GDPD5: variants seen among roughly 807,000 people sequenced by gnomAD.
GDPD5 encodes the protein glycerophosphodiester phosphodiesterase 2.
Under a neutral mutation model 75.1 loss-of-function variants are expected in GDPD5, and 48 were observed. That is an observed-to-expected ratio of 0.64 (90% confidence interval 0.51 to 0.81). The LOEUF (loss-of-function observed/expected upper bound fraction) is 0.81, where lower values mean the gene tolerates loss of function less well. Among genes scored for constraint, GDPD5 ranks in the 40% least tolerant of loss-of-function variants. The probability of loss-of-function intolerance (pLI) is 0.00; values close to 1 mark genes in which losing one functional copy is unlikely to be tolerated. For synonymous variants in GDPD5, 336 were observed against 339.0 expected, an observed-to-expected ratio of 0.99 and a Z score of 0.10; for missense variants, 706 against 822.6, an observed-to-expected ratio of 0.86 and a Z score of 1.73.
rs764446965 is a variant in GDPD5, at chr11:75,457,688, T to C, written c.315+5A>G. ...CCACCTGCCCTCCAAAACAGCCCCA[T>C]GTACCAGGAGGCCAGCGATGTATGC... On this transcript the variant is annotated splice_donor_5th_base_variant and intron_variant, in intron 5 of 16. Transcript: ENST00000336898. 2 of 1,613,854 alleles carry C rather than the reference T, an allele frequency of 1.2e-6. No individual in the cohort carries two copies. The highest frequency in any genetic ancestry group is 8.5e-7 in the Non-Finnish European group (1 of 1,179,788).
intron 1 of GDPD5, among the ~76,000 whole-genome samples, chr11:75,523,095 T>G (rs138778506): frequency 2.2e-4 from 34 of 152,342 alleles, no homozygotes; most frequent in African/African-American, 7.9e-4. Flanking sequence ...TCAAGCTTCC[T>G]TTTCTTCATA....
chr11:75,441,569 T>TG (rs57622038), intron 13 of GDPD5, 77 bp downstream of exon 13: 5 of 1,189,898 alleles, frequency 4.2e-6, no homozygotes, highest in African/African-American at 3.1e-5. Context: ...TGTGTGTGTG[T>TG]TGGGGGGTGG....
chr11:75,521,674 G>A (rs1941461684), intron 1 of GDPD5, among the ~76,000 whole-genome samples: 1 of 152,206 alleles, frequency 6.6e-6, no homozygotes, highest in Non-Finnish European at 1.5e-5. Context: ...AAGATTCAGA[G>A]GGGGCATGAC....
chr11:75,480,368 T>C (rs55955041), intron 2 of GDPD5, among the ~76,000 whole-genome samples: 8,456 of 152,148 alleles, frequency 0.056, 341 homozygotes, highest in East Asian at 0.13. Context: ...ATGGTAACTT[T>C]TGTTTTTGAG....
chr11:75,468,806 T>C (rs1407549145), intron 3 of GDPD5, among the ~76,000 whole-genome samples: 2 of 151,538 alleles, frequency 1.3e-5, no homozygotes, highest in African/African-American at 4.9e-5. Context: ...GACCACAGAG[T>C]GGAGAATACA....
At chr11:75,457,980 A>T (rs375374360) in intron 4 of GDPD5, among the ~76,000 whole-genome samples, 194 bp from the exon 5 acceptor site, 1 of 152,340 alleles carries the variant, frequency 6.6e-6, no homozygotes, top group African/African-American at 2.4e-5. Context: ...GGGACCAAGA[A>T]ATGTAAAGGA....
chr11:75,440,632 T>C (rs1183840397), intron 14 of GDPD5, among the ~76,000 whole-genome samples: 1 of 152,236 alleles, frequency 6.6e-6, no homozygotes, highest in Non-Finnish European at 1.5e-5. Flanking sequence ...CACAGCTCAC[T>C]GCAGCTTTGA....
intron 1 of GDPD5, among the ~76,000 whole-genome samples, chr11:75,493,358 A>G (rs955487904): frequency 7.4e-6 from 1 of 135,602 alleles, no homozygotes; most frequent in African/African-American, 2.6e-5. Flanking sequence ...CTAAGGCCCT[A>G]GTTAAACTCT....
chr11:75,461,466 C>T (rs751486775), intron 4 of GDPD5, among the ~76,000 whole-genome samples: 6 of 152,120 alleles, frequency 3.9e-5, no homozygotes, highest in Non-Finnish European at 7.4e-5. Flanking sequence ...TGGTGCCATA[C>T]GGGGAAAAGT....
At chr11:75,499,748 T>G (rs1950272649) in intron 1 of GDPD5, among the ~76,000 whole-genome samples, 1 of 152,182 alleles carries the variant, frequency 6.6e-6, no homozygotes, top group Admixed American at 6.5e-5. Context: ...GAGATGGGGT[T>G]GGGTGTGGCC....
At chr11:75,473,277 A>G (rs1368886082) in intron 3 of GDPD5, among the ~76,000 whole-genome samples, 1 of 151,936 alleles carries the variant, frequency 6.6e-6, no homozygotes, top group East Asian at 1.9e-4. Context: ...TTCCTGTGCT[A>G]TTCCTGGACT....
intron 3 of GDPD5, among the ~76,000 whole-genome samples, chr11:75,469,461 C>A (rs1337424897): frequency 6.6e-6 from 1 of 152,196 alleles, no homozygotes; most frequent in Non-Finnish European, 1.5e-5. Context: ...GGTGGAACCA[C>A]AATTCACAAC....
chr11:75,470,089 G>A (rs1474419610), intron 3 of GDPD5, among the ~76,000 whole-genome samples: 1 of 152,172 alleles, frequency 6.6e-6, no homozygotes, highest in Admixed American at 6.5e-5. Context: ...TAGGAGGAGG[G>A]GTGAGCTAGA....
At chr11:75,486,354 G>A (rs1273632969) in intron 2 of GDPD5, among the ~76,000 whole-genome samples, 8 of 152,196 alleles carry the variant, frequency 5.3e-5, no homozygotes, top group African/African-American at 7.2e-5. Context: ...CCCATACCAA[G>A]GTTAGGCACC....
chr11:75,450,031 G>A, intron 6 of GDPD5, 48 bp from the exon 7 acceptor site: 1 of 1,511,918 alleles, frequency 6.6e-7, no homozygotes, highest in Non-Finnish European at 9.2e-7. Context: ...GGGTGGGAGG[G>A]TTCCCAGTGT....
chr11:75,437,124 G>T, intron 15 of GDPD5, 76 bp from the exon 16 acceptor site: 1 of 1,090,350 alleles, frequency 9.2e-7, no homozygotes, highest in East Asian at 2.5e-5. Flanking sequence ...TACTTCCAGA[G>T]CCTCTCTGGA....
chr11:75,439,478 C>T (rs1421360597), intron 15 of GDPD5: 3 of 406,948 alleles, frequency 7.4e-6, no homozygotes, highest in African/African-American at 2.0e-5. Context: ...CCCCTTGGTT[C>T]CTGGCTGGGT....
intron 3 of GDPD5, among the ~76,000 whole-genome samples, chr11:75,465,468 G>A (rs144308470): frequency 7.5e-4 from 114 of 152,288 alleles, no homozygotes; most frequent in African/African-American, 2.7e-3. Context: ...TTCTAGAACT[G>A]TCTCTATACA....
rs1281039571 is a variant in GDPD5 at position 75,525,681 on chromosome 11, G to A, written c.-616C>T. 8.6e-5 allele frequency: 13 copies of A among 151,398 alleles called. No homozygotes were observed. The highest frequency in any genetic ancestry group is 2.7e-4 in the African/African-American group (11 of 41,330). 9.4% of individuals were successfully genotyped at this position (151,398 alleles called of 1,614,324 possible). A position where few individuals can be genotyped will look rare whatever the true frequency, so the allele number is the denominator to read the frequency against. On this transcript the variant is annotated 5_prime_UTR_variant, in exon 1 of 17. Transcript: ENST00000336898. ...GCCGCACGCCCCGAACCGCGGGGCT[G>A]GGACGGGCAGGGCAGGGCAGGCGCC... is the stretch of plus-strand genomic sequence containing the variant.
Sources: allele counts gnomAD v4.1 joint callset (sites outside exome capture counted in the v4.1 genomes callset), GRCh38; gene constraint gnomAD v4.1.1; transcripts MANE v1.5; gene names NCBI Gene and HGNC (gene_info 2026-07-23, HGNC 2026-07-21).